Variants in PDE1A observed in about 807,000 individuals in gnomAD.
The protein encoded by PDE1A is dual specificity calcium/calmodulin-dependent 3',5'-cyclic nucleotide phosphodiesterase 1A.
Under a neutral mutation model 61.7 loss-of-function variants are expected in PDE1A, and 35 were observed. That is an observed-to-expected ratio of 0.57 (90% CI 0.43 to 0.75). PDE1A has a LOEUF of 0.75. PDE1A is among the 30% of genes least tolerant of loss of function. The probability of loss-of-function intolerance (pLI) is 0.00; values close to 1 mark genes in which losing one functional copy is unlikely to be tolerated. For synonymous variants in PDE1A, 232 were observed against 213.2 expected (o/e 1.09, Z -0.77); for missense variants, 597 against 630.6 (o/e 0.95, Z 0.57).
intron 2 of PDE1A, among the ~76,000 whole-genome samples, chr2:182,466,285 C>T (rs185822481): frequency 1.6e-4 from 24 of 152,150 alleles, no homozygotes; most frequent in Middle Eastern, 3.4e-3. Flanking sequence ...GAGTTACCTT[C>T]CCAGGAACCT....
chr2:182,399,038 C>T (rs563040405), intron 1 of PDE1A, among the ~76,000 whole-genome samples: 5 of 151,888 alleles, frequency 3.3e-5, no homozygotes, highest in Non-Finnish European at 7.4e-5. Flanking sequence ...TTTTGATGAC[C>T]GTCAAGGATG....
intron 1 of PDE1A, among the ~76,000 whole-genome samples, chr2:182,425,512 A>G (rs1412031917): frequency 6.6e-6 from 1 of 152,228 alleles, no homozygotes; most frequent in Non-Finnish European, 1.5e-5. Context: ...GGAAGACTTT[A>G]AAACAGATTC....
the PDE1A span, among the ~76,000 whole-genome samples, chr2:182,687,893 G>A: frequency 1.0e-3 from 155 of 152,238 alleles, no homozygotes; most frequent in African/African-American, 3.5e-3. Context: ...CAAAAGCTTC[G>A]TAGCCGATTC....
intron 1 of PDE1A, among the ~76,000 whole-genome samples, chr2:182,419,078 A>AG (rs912605149): frequency 6.6e-6 from 1 of 152,190 alleles, no homozygotes; most frequent in African/African-American, 2.4e-5. Context: ...GAGAAAAAAA[A>AG]AAAAACATTG....
chr2:182,658,047 T>TAAAAAAAAAAAAA, the PDE1A span, among the ~76,000 whole-genome samples: 84 of 66,622 alleles, frequency 1.3e-3, 7 homozygotes, highest in African/African-American at 4.3e-3. Flanking sequence ...AGCTTCTCAG[T>TAAAAAAAAAAAAA]AAAAAAAAAA....
At chr2:182,177,009 A>C (rs375059727) in intron 13 of PDE1A, among the ~76,000 whole-genome samples, 1 of 150,824 alleles carries the variant, frequency 6.6e-6, no homozygotes, top group Non-Finnish European at 1.5e-5. Flanking sequence ...CGTATATTGA[A>C]CCAGCCTTGC....
intron 1 of PDE1A, among the ~76,000 whole-genome samples, chr2:182,393,984 AG>A (rs2125405143): frequency 6.6e-6 from 1 of 152,332 alleles, no homozygotes; most frequent in African/African-American, 2.4e-5. Context: ...CCAAGTCTCC[AG>A]GAAGTTCCAA....
At chr2:182,502,414 A>C (rs1689137948) in intron 2 of PDE1A, among the ~76,000 whole-genome samples, 2 of 152,152 alleles carry the variant, frequency 1.3e-5, no homozygotes, top group African/African-American at 4.8e-5. Context: ...TGTAAATGTT[A>C]GAATGCCAGA....
intron 1 of PDE1A, among the ~76,000 whole-genome samples, chr2:182,297,772 G>A (rs1270625896): frequency 1.3e-5 from 2 of 152,108 alleles, no homozygotes; most frequent in Non-Finnish European, 2.9e-5. Context: ...TATGCTTCCA[G>A]AATCACACCT....
the PDE1A span, among the ~76,000 whole-genome samples, chr2:182,609,988 T>G: frequency 2.0e-5 from 3 of 151,480 alleles, no homozygotes; most frequent in African/African-American, 7.3e-5. Context: ...CTTGGGAGGC[T>G]GAGGTAGGAG....
chr2:182,574,425 T>C, the PDE1A span, among the ~76,000 whole-genome samples: 1 of 152,224 alleles, frequency 6.6e-6, no homozygotes, highest in African/African-American at 2.4e-5. Flanking sequence ...CCTGAGATCA[T>C]ACATAATCTT....
the PDE1A span, among the ~76,000 whole-genome samples, chr2:182,690,015 C>A: frequency 2.6e-5 from 4 of 152,072 alleles, no homozygotes; most frequent in East Asian, 1.9e-4. Flanking sequence ...CAATAACAGG[C>A]TCTGAAATTG....
chr2:182,313,315 G>C (rs1696114006), intron 1 of PDE1A, among the ~76,000 whole-genome samples: 1 of 152,142 alleles, frequency 6.6e-6, no homozygotes, highest in Admixed American at 6.5e-5. Flanking sequence ...TCAGGAGGCT[G>C]AAGCAGGAGA....
intron 10 of PDE1A, among the ~76,000 whole-genome samples, chr2:182,190,710 C>A (rs1165602673): frequency 6.6e-6 from 1 of 152,106 alleles, no homozygotes; most frequent in African/African-American, 2.4e-5. Flanking sequence ...GTAATCCCAG[C>A]ACTTTGGGAA....
intron 2 of PDE1A, among the ~76,000 whole-genome samples, chr2:182,517,957 A>C (rs1015105392): frequency 2.0e-5 from 3 of 152,324 alleles, no homozygotes; most frequent in African/African-American, 7.2e-5. Context: ...GAGAGAACAA[A>C]ATGAGCACAG....
chr2:182,167,862 G>C (rs985562772), downstream of PDE1A: 101 of 1,004,054 alleles, frequency 1.0e-4, no homozygotes, highest in South Asian at 6.6e-4. Context: ...CATTTTTGAC[G>C]TTTAGAAAAG....
At chr2:182,417,074 TA>T (rs955935720) in intron 1 of PDE1A, among the ~76,000 whole-genome samples, 33 of 152,342 alleles carry the variant, frequency 2.2e-4, no homozygotes, top group African/African-American at 7.2e-4. Context: ...CTGGACTCTC[TA>T]GCCCAAACCA....
At chr2:182,176,252 T>A (rs1487370989) in intron 13 of PDE1A, among the ~76,000 whole-genome samples, 1 of 148,736 alleles carries the variant, frequency 6.7e-6, no homozygotes, top group South Asian at 2.1e-4. Flanking sequence ...GGGGATGGCA[T>A]TGAATCTGTA....
At chr2:182,498,385 G>GA (rs1688851477) in intron 2 of PDE1A, among the ~76,000 whole-genome samples, 1 of 151,956 alleles carries the variant, frequency 6.6e-6, no homozygotes, top group Admixed American at 6.6e-5. Flanking sequence ...TCAGGTCTCA[G>GA]AAAAGTATTA....
Sources: allele counts gnomAD v4.1 joint callset (sites outside exome capture counted in the v4.1 genomes callset), GRCh38; gene constraint gnomAD v4.1.1; transcripts MANE v1.5; gene names NCBI Gene and HGNC (gene_info 2026-07-23, HGNC 2026-07-21).